The following AGFG2 variants were observed in gnomAD, a reference collection of about 807,000 sequenced individuals.
AGFG2 encodes ArfGAP with FG repeats 2.
In AGFG2, 31 loss-of-function variants were observed where a neutral mutation model predicts 48.0. That is an observed-to-expected ratio of 0.65 (90% CI 0.49 to 0.87). The LOEUF (loss-of-function observed/expected upper bound fraction) is 0.87. Among genes scored for constraint, AGFG2 ranks in the 40% least tolerant of loss-of-function variants. The probability of loss-of-function intolerance (pLI) is 0.00; values close to 1 mark genes in which losing one functional copy is unlikely to be tolerated. For missense variants in AGFG2, 599 were observed against 632.6 expected, an observed-to-expected ratio of 0.95 and a Z score of 0.57; for synonymous variants, 229 against 260.8, an observed-to-expected ratio of 0.88 and a Z score of 1.18.
chr7:100,560,658 C>T (rs1337035381), intron 6 of AGFG2, among the ~76,000 whole-genome samples: 1 of 152,168 alleles, frequency 6.6e-6, no homozygotes, highest in Non-Finnish European at 1.5e-5. Context: ...CTTACAAGTG[C>T]CGACACTCAG....
chr7:100,564,657 C>T (rs1330214680), intron 11 of AGFG2, among the ~76,000 whole-genome samples: 2 of 152,102 alleles, frequency 1.3e-5, no homozygotes, highest in African/African-American at 2.4e-5. Flanking sequence ...GTGTGCACCA[C>T]CGCACATGGC....
rs1489566692 is a variant in AGFG2, at chr7:100,567,405, C to T, written c.*2414C>T. The stretch of plus-strand genomic sequence containing the variant: ...AGTGACTCACCTGGGCTCACACCAA[C>T]TTCTGGCCAATGCAGGGACCATGCT... On this transcript the variant is annotated 3_prime_UTR_variant, in exon 12 of 12. Coordinates refer to ENST00000300176, the MANE Select transcript of AGFG2 (RefSeq NM_006076.5). 6.5e-6 allele frequency: 1 copy of T among 152,890 alleles called. No homozygotes were observed. Among genetic ancestry groups the T allele is most frequent in the African/African-American group, 2.4e-5 (1 of 41,482 alleles). The allele number at this position is 152,890 out of a possible 1,614,324, so 9.5% of individuals were successfully genotyped here. A position where few individuals can be genotyped will look rare whatever the true frequency, so the allele number is the denominator to read the frequency against.
chr7:100,558,538 T>C (rs1002191703), intron 6 of AGFG2, among the ~76,000 whole-genome samples: 1 of 150,568 alleles, frequency 6.6e-6, no homozygotes, highest in African/African-American at 2.5e-5. Context: ...TTTTTGTTTT[T>C]GTTTTTGTTT....
chr7:100,554,281 C>G (rs1207537368), intron 5 of AGFG2, 23 bp downstream of exon 5: 1 of 1,603,704 alleles, frequency 6.2e-7, no homozygotes, highest in Non-Finnish European at 8.5e-7. Flanking sequence ...TGGGATGGGA[C>G]CCTCCCTACA....
chr7:100,554,309 A>C, intron 5 of AGFG2, 51 bp downstream of exon 5: 1 of 1,548,012 alleles, frequency 6.5e-7, no homozygotes, highest in Non-Finnish European at 8.7e-7. Flanking sequence ...TGCTTACAAC[A>C]TGAGAGATCC....
chr7:100,563,682 G>T, intron 9 of AGFG2, 152 bp from the exon 10 acceptor site: 4 of 1,176,988 alleles, frequency 3.4e-6, no homozygotes, highest in Non-Finnish European at 4.7e-6. Context: ...TTGGTGGTGT[G>T]AGAAGCAGAA....
In AGFG2 at chr7:100,548,846, T is replaced by C; in HGVS notation, c.246T>C (p.Arg82=). The change falls in exon 2 of 12, where the codon CGT becomes CGC. Residue 82 remains arginine, a synonymous_variant. Transcript: ENST00000300176. ...GLLRGLNPPH[R]VKSISMTTFT... Reference sequence around the variant, plus strand: ...GGAGAGGGCTGAACCCCCCTCATCGTGTCAAGTCAATCTCCATGACAACTT... The same window carrying C: ...GGAGAGGGCTGAACCCCCCTCATCGCGTCAAGTCAATCTCCATGACAACTT... 1 of 1,613,684 alleles carries C rather than the reference T, an allele frequency of 6.2e-7. No homozygotes were observed. The highest frequency in any genetic ancestry group is 1.3e-5 in the African/African-American group (1 of 74,988).
Position 100,556,491 on chromosome 7 carries a change from G to A in AGFG2, c.877+756G>A. On this transcript the variant is annotated intron_variant, in intron 6 of 11. Coordinates refer to ENST00000300176, the MANE Select transcript of AGFG2 (RefSeq NM_006076.5). ...CTGGACACATGGGAGGGCAGCTGCAGTGCTCGCCGTCAGGCTCAGATGTCT... is the reference window on the plus strand; with the variant it reads ...CTGGACACATGGGAGGGCAGCTGCAATGCTCGCCGTCAGGCTCAGATGTCT... 2.9e-6 allele frequency: 3 copies of A among 1,041,082 alleles called. No homozygotes were observed. In the South Asian group the frequency reaches 4.4e-5, roughly 15 times the overall value. 64.5% of individuals were successfully genotyped at this position (1,041,082 alleles called of 1,614,324 possible).
intron 2 of AGFG2, 69 bp from the exon 3 acceptor site, chr7:100,550,327 A>G (rs1270287517): frequency 2.0e-6 from 2 of 1,015,022 alleles, no homozygotes; most frequent in East Asian, 5.4e-5. Flanking sequence ...AAAAAAAAAA[A>G]AAAGGAAGTG....
intron 1 of AGFG2, among the ~76,000 whole-genome samples, chr7:100,539,869 A>T (rs1477505440): frequency 6.6e-6 from 1 of 151,662 alleles, no homozygotes; most frequent in African/African-American, 2.4e-5. Flanking sequence ...GCAAGTGGGG[A>T]GGGAGAAAGT....
intron 3 of AGFG2, 116 bp from the exon 4 acceptor site, chr7:100,553,231 A>C (rs1800684927): frequency 2.3e-6 from 3 of 1,298,538 alleles, no homozygotes; most frequent in Non-Finnish European, 3.3e-6. Context: ...CAAAAAAGGG[A>C]ATCAGTAGAG....
At chr7:100,542,170 C>T (rs1800432444) in intron 1 of AGFG2, among the ~76,000 whole-genome samples, 2 of 152,132 alleles carry the variant, frequency 1.3e-5, no homozygotes, top group Admixed American at 6.5e-5. Flanking sequence ...CACGCGCTAC[C>T]ACATCTGGCT....
chr7:100,552,239 C>T (rs562625281), intron 3 of AGFG2, among the ~76,000 whole-genome samples: 2 of 150,962 alleles, frequency 1.3e-5, no homozygotes, highest in African/African-American at 2.4e-5. Context: ...AGTGAAACTC[C>T]GTCTCAAAAA....
At position 100,563,488 on chromosome 7, in the gene AGFG2, C is replaced by T. The variant is rs552825034; in HGVS notation, c.1172-346C>T. Among the ~76,000 whole-genome samples the T allele has an allele frequency of 1.4e-3, 213 of 152,326 alleles. 2 individuals are homozygous for T. The highest frequency in any genetic ancestry group is 5.0e-3 in the African/African-American group (209 of 41,572). On this transcript the variant is annotated intron_variant, in intron 9 of 11. Coordinates refer to ENST00000300176, the MANE Select transcript of AGFG2 (RefSeq NM_006076.5). The stretch of plus-strand genomic sequence containing the variant: ...CTTCGTGGCCCTGATTTGATCTTCA[C>T]AGTAGCCCTATGAGACGGACTGTCC...
At chr7:100,552,200 G>A (rs959102385) in intron 3 of AGFG2, among the ~76,000 whole-genome samples, 7 of 151,560 alleles carry the variant, frequency 4.6e-5, no homozygotes, top group Middle Eastern at 3.4e-3. Flanking sequence ...AGCTGAGATC[G>A]TGCCACTGTA....
rs1800998829 is a variant in AGFG2, at chr7:100,565,940, C to T, written c.*949C>T. 1 of 149,696 alleles carries T rather than the reference C, an allele frequency of 6.7e-6. No individual in the cohort carries two copies. The highest frequency in any genetic ancestry group is 2.5e-5 in the African/African-American group (1 of 40,418). 9.3% of individuals were successfully genotyped at this position (149,696 alleles called of 1,614,324 possible). A position where few individuals can be genotyped will look rare whatever the true frequency, so the allele number is the denominator to read the frequency against. ...GTGCCTCCCTGTCCCCAAATCTCTG[C>T]ACCAAAGCTCATTGCAGGCAATGTT... On this transcript the variant is annotated 3_prime_UTR_variant, in exon 12 of 12. Transcript: ENST00000300176.
At position 100,567,608 on chromosome 7, in the gene AGFG2, GCT is replaced by G. The variant is rs1801041658; in HGVS notation, c.*2620_*2621del. On this transcript the variant is annotated 3_prime_UTR_variant, in exon 12 of 12. Transcript: ENST00000300176. ...GCTGAGGGTAGGGGCTGAATGTGTG[GCT>G]CTGTCCCTGTGTTGCCTTCCACAGA... 6.6e-6 allele frequency: 1 copy of G among 152,594 alleles called. No individual in the cohort carries two copies. The highest frequency in any genetic ancestry group is 2.4e-5 in the African/African-American group (1 of 41,454). 9.5% of individuals were successfully genotyped at this position (152,594 alleles called of 1,614,324 possible).
intron 1 of AGFG2, among the ~76,000 whole-genome samples, chr7:100,540,112 A>G (rs1244347676): frequency 6.7e-6 from 1 of 149,814 alleles, no homozygotes; most frequent in Non-Finnish European, 1.5e-5. Flanking sequence ...TGATTAGAGT[A>G]CAGGATTAAA....
chr7:100,557,426 T>C (rs1434056010), intron 6 of AGFG2, among the ~76,000 whole-genome samples: 1 of 152,062 alleles, frequency 6.6e-6, no homozygotes, highest in African/African-American at 2.4e-5. Flanking sequence ...CAAAGACAAA[T>C]CACATAGGTC....
Sources: gnomAD v4.1 joint callset for allele counts (sites outside exome capture counted in the v4.1 genomes callset) on GRCh38, gnomAD v4.1.1 for gene constraint, MANE v1.5 for transcripts, NCBI Gene and HGNC (gene_info 2026-07-23, HGNC 2026-07-21) for gene names.